The following PREP variants were observed in gnomAD, a reference collection of about 807,000 sequenced individuals.
PREP encodes dJ355L5.1 (prolyl endopeptidase).
A neutral mutation model predicts 87.6 loss-of-function variants in PREP; 29 were observed. The observed-to-expected ratio is 0.33, with a 90% confidence interval of 0.25 to 0.45. The LOEUF is 0.45. PREP is among the 20% of genes least tolerant of loss of function. The probability of loss-of-function intolerance (pLI) is 1.00; values close to 1 mark genes in which losing one functional copy is unlikely to be tolerated. For synonymous variants in PREP, 337 were observed against 328.6 expected, an observed-to-expected ratio of 1.03 and a Z score of -0.28; for missense variants, 695 against 886.5, an observed-to-expected ratio of 0.78 and a Z score of 2.74.
At chr6:105,338,882 C>A (rs937172587) in intron 7 of PREP, among the ~76,000 whole-genome samples, 8 of 152,338 alleles carry the variant, frequency 5.3e-5, no homozygotes, top group African/African-American at 1.9e-4. Context: ...GTAAACAAAG[C>A]GGCTGGGTAA....
chr6:105,289,073 C>G (rs1770245601), intron 10 of PREP, among the ~76,000 whole-genome samples, 179 bp from the exon 11 acceptor site: 1 of 152,162 alleles, frequency 6.6e-6, no homozygotes, highest in African/African-American at 2.4e-5. Flanking sequence ...GAATGTAGAA[C>G]AGTTTAAAGA....
chr6:105,344,318 A>G (rs1171366926), intron 7 of PREP, among the ~76,000 whole-genome samples: 1 of 152,036 alleles, frequency 6.6e-6, no homozygotes, highest in Non-Finnish European at 1.5e-5. Context: ...GTGAAACCCC[A>G]TCTCCACTAA....
At chr6:105,315,626 A>G (rs996129088) in intron 10 of PREP, among the ~76,000 whole-genome samples, 3 of 152,218 alleles carry the variant, frequency 2.0e-5, no homozygotes, top group Admixed American at 1.3e-4. Context: ...AGCCAGGCAG[A>G]CTTCTCTTTA....
chr6:105,322,985 G>A (rs1011032867), intron 10 of PREP: 46 of 1,301,218 alleles, frequency 3.5e-5, no homozygotes, highest in Non-Finnish European at 4.6e-5. Context: ...CCCTCCAGGT[G>A]GGAGGGGCCT....
intron 10 of PREP, among the ~76,000 whole-genome samples, chr6:105,318,804 C>T (rs574983293): frequency 2.0e-5 from 3 of 152,280 alleles, no homozygotes; most frequent in Non-Finnish European, 4.4e-5. Flanking sequence ...GACCTATACC[C>T]AATCACACGA....
chr6:105,396,151 A>C (rs1773280908), intron 2 of PREP, among the ~76,000 whole-genome samples: 1 of 152,236 alleles, frequency 6.6e-6, no homozygotes. Context: ...TCTGGAAAGA[A>C]AAATTAAACC....
At chr6:105,402,821 C>G in intron 1 of PREP, 26 bp downstream of exon 1, 1 of 1,536,350 alleles carries the variant, frequency 6.5e-7, no homozygotes, top group Non-Finnish European at 8.8e-7. Context: ...CCCGGGAGCC[C>G]TCTGGGCGGA....
chr6:105,369,281 G>C lies in PREP; in HGVS notation c.596-257C>G, dbSNP rs920236174. On this transcript the variant is annotated intron_variant, in intron 5 of 14. Coordinates refer to ENST00000652536, the MANE Select transcript of PREP (RefSeq NM_002726.5). ...AAAATATGTGTAAGATCTATCTAAG[G>C]AAAACTGCAAAATTCTGATGAAAGA... is the stretch of plus-strand genomic sequence containing the variant. Among the ~76,000 whole-genome samples the C allele has an allele frequency of 7.9e-5, 12 of 152,130 alleles. 1 individual carries two copies.
chr6:105,348,310 C>A (rs766210354), intron 7 of PREP, among the ~76,000 whole-genome samples: 1 of 152,124 alleles, frequency 6.6e-6, no homozygotes, highest in Admixed American at 6.6e-5. Flanking sequence ...AAGGCAGTAA[C>A]CGTTACAGAG....
intron 10 of PREP, among the ~76,000 whole-genome samples, chr6:105,311,256 A>C (rs1770755546): frequency 6.6e-6 from 1 of 152,098 alleles, no homozygotes; most frequent in Non-Finnish European, 1.5e-5. Flanking sequence ...TCCAGTATAA[A>C]ACTCTGCAGT....
intron 10 of PREP, among the ~76,000 whole-genome samples, chr6:105,294,656 A>C (rs1040181784): frequency 1.3e-5 from 2 of 152,156 alleles, no homozygotes; most frequent in Non-Finnish European, 2.9e-5. Context: ...CATGGGACTT[A>C]AGAGTCTCCT....
intron 11 of PREP, among the ~76,000 whole-genome samples, chr6:105,287,284 A>G (rs550288257): frequency 6.6e-6 from 1 of 152,276 alleles, no homozygotes; most frequent in Admixed American, 6.5e-5. Flanking sequence ...GGAAGTCCTC[A>G]TGTCTGGAAT....
At chr6:105,397,075 C>T (rs1434799309) in intron 2 of PREP, among the ~76,000 whole-genome samples, 1 of 151,062 alleles carries the variant, frequency 6.6e-6, no homozygotes, top group Admixed American at 6.6e-5. Flanking sequence ...ATCCCAGCTA[C>T]TCGGGAGGCT....
chr6:105,310,242 T>C (rs1770733578), intron 10 of PREP, among the ~76,000 whole-genome samples: 2 of 152,184 alleles, frequency 1.3e-5, no homozygotes, highest in Non-Finnish European at 2.9e-5. Flanking sequence ...AATAAGCTTT[T>C]CACATCATAC....
rs1770106673 is a variant in PREP, at chr6:105,282,558, T to TTTTG, written c.1570_1573dup (p.Asn525ThrfsTer5). On this transcript the variant is annotated frameshift_variant, in exon 13 of 15. Coordinates refer to ENST00000652536, the MANE Select transcript of PREP (RefSeq NM_002726.5). LOFTEE classifies it high-confidence loss of function. ...AGCACACTGAAAGTCATCAAAGCAG[T>TTTTG]TTTGTTTGTTGGCCAAGATACCACC... 2.5e-6 allele frequency: 4 copies of TTTTG among 1,614,064 alleles called. No individual in the cohort carries two copies. The highest frequency in any genetic ancestry group is 3.4e-6 in the Non-Finnish European group (4 of 1,179,972).
intron 8 of PREP, among the ~76,000 whole-genome samples, chr6:105,332,904 A>G (rs1188556938): frequency 6.6e-6 from 1 of 152,212 alleles, no homozygotes; most frequent in Non-Finnish European, 1.5e-5. Context: ...CTAAATCCAC[A>G]CTAAGATCAA....
intron 6 of PREP, among the ~76,000 whole-genome samples, chr6:105,364,017 G>C (rs2114697329): frequency 6.6e-6 from 1 of 152,302 alleles, no homozygotes. Flanking sequence ...AACAATGATA[G>C]ACCAACAAAC....
chr6:105,365,421 C>T (rs1443118553), intron 6 of PREP, among the ~76,000 whole-genome samples: 1 of 152,152 alleles, frequency 6.6e-6, no homozygotes, highest in Non-Finnish European at 1.5e-5. Context: ...TCTTGAAGGG[C>T]ACAAGAAATT....
Position 105,328,825 on chromosome 6 carries a change from T to A in PREP, c.1213+4A>T. The A allele has an allele frequency of 6.2e-7, 1 of 1,613,762 alleles. No individual in the cohort carries two copies. The highest frequency in any genetic ancestry group is 8.5e-7 in the Non-Finnish European group (1 of 1,179,696). On this transcript the variant is annotated splice_donor_region_variant and intron_variant, in intron 9 of 14. Transcript: ENST00000652536. ...GTGAACAGCAACAGTGAAAAAACAC[T>A]TACCTGGAGATAAAAAGGAAGTAAA...
Sources: gnomAD v4.1 joint callset for allele counts (sites outside exome capture counted in the v4.1 genomes callset) on GRCh38, gnomAD v4.1.1 for gene constraint, MANE v1.5 for transcripts, NCBI Gene and HGNC (gene_info 2026-07-23, HGNC 2026-07-21) for gene names.